PRPF18: variants seen among roughly 807,000 people sequenced by gnomAD.
PRPF18 encodes the protein pre-mRNA-splicing factor 18.
PRPF18 carries 38 observed loss-of-function variants against 46.5 expected under a neutral mutation model. The ratio of observed to expected loss-of-function variants is 0.82; its 90% CI spans 0.63 to 1.07. The LOEUF (loss-of-function observed/expected upper bound fraction) is 1.07. Among genes scored for constraint, PRPF18 ranks in the 50% least tolerant of loss-of-function variants. The pLI is 0.00. For synonymous variants in PRPF18, 152 were observed against 146.7 expected, an observed-to-expected ratio of 1.04 and a Z score of -0.26; for missense variants, 263 against 410.0, an observed-to-expected ratio of 0.64 and a Z score of 3.10.
intron 3 of PRPF18, among the ~76,000 whole-genome samples, chr10:13,604,744 G>C (rs2080160977): frequency 6.6e-6 from 1 of 152,174 alleles, no homozygotes; most frequent in Admixed American, 6.5e-5. Context: ...AGGTGTGATG[G>C]TAACACAGTA....
At chr10:13,611,519 T>C in intron 5 of PRPF18, 96 bp from the exon 6 acceptor site, 1 of 996,178 alleles carries the variant, frequency 1.0e-6, no homozygotes, top group Non-Finnish European at 1.5e-6. Context: ...GAACAGCATA[T>C]GTGACCAAGA....
chr10:13,649,351 A>G, the PRPF18 span: 1 of 127,536 alleles, frequency 7.8e-6, no homozygotes, highest in African/African-American at 2.7e-5. Flanking sequence ...GAAGAGCCTA[A>G]CTGTTGGCTG....
the PRPF18 span, chr10:13,654,133 T>C: frequency 9.4e-6 from 5 of 530,910 alleles, no homozygotes; most frequent in African/African-American, 3.9e-5. Flanking sequence ...CTGGAAATCT[T>C]ACCAAAGAAG....
chr10:13,654,585 T>C, the PRPF18 span: 127 of 942,194 alleles, frequency 1.3e-4, 2 homozygotes, highest in South Asian at 1.8e-3. Context: ...TTGCGACTTG[T>C]TGGCTGACAC....
intron 1 of PRPF18, among the ~76,000 whole-genome samples, chr10:13,591,199 T>C (rs2079956458): frequency 6.6e-6 from 1 of 152,186 alleles, no homozygotes; most frequent in Non-Finnish European, 1.5e-5. Flanking sequence ...GGGAAGACAG[T>C]CTTTAGATCT....
intron 9 of PRPF18, among the ~76,000 whole-genome samples, chr10:13,629,023 C>T (rs920877391): frequency 6.6e-6 from 1 of 152,012 alleles, no homozygotes; most frequent in Non-Finnish European, 1.5e-5. Context: ...AAATGTCGAC[C>T]AAGGATTCTG....
chr10:13,654,354 ATCTGAACG>A, the PRPF18 span: 2 of 1,046,658 alleles, frequency 1.9e-6, no homozygotes, highest in East Asian at 4.7e-5. Context: ...TGTCACCAGG[ATCTGAACG>A]TCTATGACAC....
At chr10:13,631,748 G>A (rs2080591663), downstream of PRPF18, 1 of 152,188 alleles carries the variant, frequency 6.6e-6, no homozygotes, top group Non-Finnish European at 1.5e-5. Context: ...TCTGAACCCT[G>A]CGGCTGTTCC....
rs550540111 is a variant in PRPF18 at position 13,620,148 on chromosome 10, G to A, written c.948+3595G>A. 7.9e-5 allele frequency among the ~76,000 whole-genome samples: 12 copies of A among 152,248 alleles called. No homozygotes were observed. In the South Asian group the frequency reaches 2.5e-3, roughly 32 times the overall value. On this transcript the variant is annotated intron_variant, in intron 9 of 9. Coordinates refer to ENST00000378572, the MANE Select transcript of PRPF18 (RefSeq NM_003675.4). The stretch of plus-strand genomic sequence containing the variant: ...TATGTGAAGTTTAAGTCAAGGGTTG[G>A]CAAAATTTTCCTTAAAGGATCAGAT...
At chr10:13,608,166 A>G (rs1351025895) in intron 4 of PRPF18, among the ~76,000 whole-genome samples, 21 of 152,170 alleles carry the variant, frequency 1.4e-4, no homozygotes, top group Admixed American at 3.9e-4. Context: ...ATAATTTGTT[A>G]TTGTCTTAAT....
chr10:13,616,300 A>T, intron 8 of PRPF18, 98 bp from the exon 9 acceptor site: 1 of 1,314,772 alleles, frequency 7.6e-7, no homozygotes. Flanking sequence ...AAGGTGGACG[A>T]AAATTACATC....
At chr10:13,625,444 A>G (rs1057196621) in intron 9 of PRPF18, among the ~76,000 whole-genome samples, 8 of 152,250 alleles carry the variant, frequency 5.3e-5, no homozygotes, top group African/African-American at 1.9e-4. Context: ...AAATTTAGTA[A>G]TTACATTAGT....
At chr10:13,645,807 A>T in the PRPF18 span, 1 of 152,722 alleles carries the variant, frequency 6.5e-6, no homozygotes, top group Non-Finnish European at 1.5e-5. Context: ...ACGAACAGAA[A>T]ATGAGCCACG....
Position 13,613,886 on chromosome 10 carries a change from G to A in PRPF18, c.720+5G>A. On this transcript the variant is annotated splice_donor_5th_base_variant and intron_variant, in intron 7 of 9. Coordinates refer to ENST00000378572, the MANE Select transcript of PRPF18 (RefSeq NM_003675.4). ...TTTAGAAAGCTACGGAAAAGGGTGA[G>A]GTTTCTTGGAAAATACTTTTTTTAA... 6.3e-7 allele frequency: 1 copy of A among 1,594,544 alleles called. No homozygotes were observed. The highest frequency in any genetic ancestry group is 1.2e-5 in the South Asian group (1 of 86,562).
chr10:13,613,592 A>G (rs1278717953), intron 6 of PRPF18, 149 bp from the exon 7 acceptor site: 4 of 857,792 alleles, frequency 4.7e-6, no homozygotes, highest in Non-Finnish European at 7.0e-6. Flanking sequence ...AATAAGCAGA[A>G]CTAGCTTATT....
the PRPF18 span, chr10:13,648,789 T>C: frequency 6.6e-6 from 1 of 152,158 alleles, no homozygotes; most frequent in African/African-American, 2.4e-5. Context: ...TCTTAAACTG[T>C]TGATGAAATT....
the PRPF18 span, chr10:13,654,884 C>T: frequency 4.2e-6 from 1 of 237,060 alleles, no homozygotes; most frequent in East Asian, 9.4e-5. Context: ...TGAGCGAGAC[C>T]TGAGCAGGGC....
At chr10:13,639,274 T>C in the PRPF18 span, 1 of 152,210 alleles carries the variant, frequency 6.6e-6, no homozygotes, top group South Asian at 2.1e-4. Flanking sequence ...TCTGAATCAC[T>C]CAATTTATTG....
chr10:13,653,273 G>C, the PRPF18 span: 1 of 152,116 alleles, frequency 6.6e-6, no homozygotes, highest in Non-Finnish European at 1.5e-5. Flanking sequence ...TAGCACTTTG[G>C]GAAGCTGAGG....
Sources: gnomAD v4.1 joint callset for allele counts (sites outside exome capture counted in the v4.1 genomes callset) on GRCh38, gnomAD v4.1.1 for gene constraint, MANE v1.5 for transcripts, NCBI Gene and HGNC (gene_info 2026-07-23, HGNC 2026-07-21) for gene names.